The following DLGAP2 variants were observed in gnomAD, a reference collection of about 807,000 sequenced individuals.
DLGAP2 encodes the protein DLG associated protein 2.
In DLGAP2, 26 loss-of-function variants were observed where a neutral mutation model predicts 100.3. That is an observed-to-expected ratio of 0.26 (90% CI 0.19 to 0.36). The LOEUF (loss-of-function observed/expected upper bound fraction) is 0.36, where lower values mean the gene tolerates loss of function less well. Among genes scored for constraint, DLGAP2 ranks in the 10% least tolerant of loss-of-function variants. DLGAP2 has a pLI of 1.00. For synonymous variants in DLGAP2, 886 were observed against 630.1 expected, an observed-to-expected ratio of 1.41 and a Z score of -6.08; for missense variants, 1,858 against 1,453.2, an observed-to-expected ratio of 1.28 and a Z score of -4.53.
At chr8:1,445,642 C>G (rs1317287207) in intron 3 of DLGAP2, among the ~76,000 whole-genome samples, 5 of 152,136 alleles carry the variant, frequency 3.3e-5, no homozygotes, top group East Asian at 1.9e-4. Flanking sequence ...ATTTCTAGTT[C>G]TAGATCCCTG....
At chr8:1,245,915 G>A (rs149664197) in intron 2 of DLGAP2, among the ~76,000 whole-genome samples, 20 of 152,162 alleles carry the variant, frequency 1.3e-4, no homozygotes, top group South Asian at 4.1e-4. Context: ...TATGACCGCC[G>A]TGGGGAGGAC....
At chr8:912,611 C>T (rs999220554) in intron 2 of DLGAP2, among the ~76,000 whole-genome samples, 9 of 151,786 alleles carry the variant, frequency 5.9e-5, no homozygotes, top group African/African-American at 1.7e-4. Flanking sequence ...GCTCCTGCTC[C>T]GTGGTGCCCG....
At chr8:1,056,760 G>A (rs1802894094) in intron 2 of DLGAP2, among the ~76,000 whole-genome samples, 1 of 152,180 alleles carries the variant, frequency 6.6e-6, no homozygotes, top group South Asian at 2.1e-4. Flanking sequence ...TCTTAATTTT[G>A]ATCTCAGTTT....
chr8:1,302,825 C>T (rs1397065404), intron 3 of DLGAP2, among the ~76,000 whole-genome samples: 1 of 152,282 alleles, frequency 6.6e-6, no homozygotes, highest in East Asian at 1.9e-4. Flanking sequence ...GAGGCCCACG[C>T]CTGACGGCGC....
intron 6 of DLGAP2, among the ~76,000 whole-genome samples, chr8:1,575,157 T>A (rs1802914047): frequency 6.6e-6 from 1 of 152,218 alleles, no homozygotes; most frequent in Admixed American, 6.5e-5. Flanking sequence ...CCGTATCTGC[T>A]GCATTTTCAT....
At chr8:897,835 C>T (rs763380369) in intron 1 of DLGAP2, among the ~76,000 whole-genome samples, 4 of 152,136 alleles carry the variant, frequency 2.6e-5, no homozygotes, top group African/African-American at 9.7e-5. Flanking sequence ...GCTCTCCGTG[C>T]GGGGTTGGCT....
At position 1,456,649 on chromosome 8, in the gene DLGAP2, T is replaced by C. The variant is rs910170704; in HGVS notation, c.107-44717T>C. Among the ~76,000 whole-genome samples, 6 of 151,888 alleles carry C rather than the reference T, an allele frequency of 4.0e-5. No individual in the cohort carries two copies. In the South Asian group the frequency reaches 8.3e-4, roughly 21 times the overall value. ...CACCAGAGAAACACAAATTGCATCA[T>C]TAGAAAAATAAAATGAGACCGATTG... On this transcript the variant is annotated intron_variant, in intron 3 of 14. Transcript: ENST00000637795.
intron 4 of DLGAP2, among the ~76,000 whole-genome samples, chr8:1,540,042 C>T (rs537165863): frequency 1.8e-4 from 27 of 152,216 alleles, no homozygotes; most frequent in Admixed American, 2.6e-4. Flanking sequence ...AGGGCCTCCT[C>T]TTGCCTGCTC....
intron 3 of DLGAP2, among the ~76,000 whole-genome samples, chr8:1,268,122 C>A (rs879415280): frequency 2.0e-5 from 3 of 152,154 alleles, no homozygotes; most frequent in Non-Finnish European, 2.9e-5. Flanking sequence ...TTGCAAATTT[C>A]TTTCTTTTTA....
chr8:1,368,049 T>A (rs964786782), intron 3 of DLGAP2, among the ~76,000 whole-genome samples: 4 of 152,224 alleles, frequency 2.6e-5, no homozygotes, highest in African/African-American at 9.6e-5. Flanking sequence ...TGCTTTCACA[T>A]TTTAACGTGC....
At chr8:1,159,847 G>A (rs373486707) in intron 2 of DLGAP2, among the ~76,000 whole-genome samples, 6 of 152,278 alleles carry the variant, frequency 3.9e-5, no homozygotes, top group African/African-American at 7.2e-5. Context: ...CACAGCCCCC[G>A]CAGGGGTGTC....
intron 5 of DLGAP2, among the ~76,000 whole-genome samples, chr8:1,564,291 C>A (rs1014366003): frequency 1.3e-5 from 2 of 152,188 alleles, no homozygotes; most frequent in Admixed American, 1.3e-4. Flanking sequence ...GTTCCAGTTC[C>A]ATGACTTTTT....
chr8:892,869 C>T (rs983043495), intron 1 of DLGAP2, among the ~76,000 whole-genome samples: 10 of 152,174 alleles, frequency 6.6e-5, no homozygotes, highest in Admixed American at 6.5e-4. Flanking sequence ...AATGCAGTTT[C>T]TAAGCATCCC....
intron 4 of DLGAP2, among the ~76,000 whole-genome samples, chr8:1,544,488 T>C (rs149032897): frequency 5.3e-4 from 80 of 152,242 alleles, no homozygotes; most frequent in Middle Eastern, 3.4e-3. Flanking sequence ...GTTGGGGAAG[T>C]TCCCTCCAGT....
At chr8:1,343,702 G>C (rs1014713120) in intron 3 of DLGAP2, among the ~76,000 whole-genome samples, 2 of 128,520 alleles carry the variant, frequency 1.6e-5, no homozygotes, top group African/African-American at 5.2e-5. Flanking sequence ...TTTGCATCTG[G>C]GGGGTCGTGG....
At chr8:1,201,370 C>T (rs1797870229) in intron 2 of DLGAP2, among the ~76,000 whole-genome samples, 2 of 152,144 alleles carry the variant, frequency 1.3e-5, no homozygotes, top group Non-Finnish European at 2.9e-5. Flanking sequence ...GGGCAGGGGG[C>T]TCCCCCTTCC....
chr8:741,496 G>C (rs1014330701), intron 1 of DLGAP2, among the ~76,000 whole-genome samples: 1 of 152,176 alleles, frequency 6.6e-6, no homozygotes, highest in East Asian at 1.9e-4. Flanking sequence ...GAGGGGCCTG[G>C]GTGTTCTGAC....
intron 3 of DLGAP2, among the ~76,000 whole-genome samples, chr8:1,418,668 C>G (rs1215572521): frequency 6.6e-6 from 1 of 152,180 alleles, no homozygotes; most frequent in Non-Finnish European, 1.5e-5. Flanking sequence ...CTTTGCTACA[C>G]TCACGCCAAT....
chr8:1,036,410 C>T (rs1404581184), intron 2 of DLGAP2, among the ~76,000 whole-genome samples: 3 of 152,248 alleles, frequency 2.0e-5, no homozygotes, highest in Non-Finnish European at 2.9e-5. Flanking sequence ...AGCTCAGCTC[C>T]TCAGGGCTGG....
Sources: allele counts gnomAD v4.1 joint callset (sites outside exome capture counted in the v4.1 genomes callset), GRCh38; gene constraint gnomAD v4.1.1; transcripts MANE v1.5; gene names NCBI Gene and HGNC (gene_info 2026-07-23, HGNC 2026-07-21).